CAST: variants seen among roughly 807,000 people sequenced by gnomAD.
CAST encodes the protein calpastatin.
CAST carries 76 observed loss-of-function variants against 119.6 expected under a neutral mutation model. That is an observed-to-expected ratio of 0.64 (90% confidence interval 0.53 to 0.77). CAST has a LOEUF of 0.77. CAST is among the 30% of genes least tolerant of loss of function. The pLI, the probability that CAST is intolerant of heterozygous loss-of-function variation, is 0.00. For missense variants in CAST, 953 were observed against 946.5 expected (o/e 1.01, Z -0.09); for synonymous variants, 319 against 331.6 (o/e 0.96, Z 0.41).
At chr5:96,097,810 A>G in the CAST span, among the ~76,000 whole-genome samples, 4 of 152,186 alleles carry the variant, frequency 2.6e-5, no homozygotes, top group African/African-American at 9.7e-5. Flanking sequence ...ATGCATCTTT[A>G]TAATAGAATG....
At chr5:96,733,375 T>A (rs1760973905) in intron 9 of CAST, among the ~76,000 whole-genome samples, 1 of 152,200 alleles carries the variant, frequency 6.6e-6, no homozygotes, top group Admixed American at 6.5e-5. Context: ...AATGGATAGA[T>A]TTAAGGCAGA....
At chr5:96,379,046 T>G in the CAST span, among the ~76,000 whole-genome samples, 472 of 152,308 alleles carry the variant, frequency 3.1e-3, 3 homozygotes, top group African/African-American at 0.011. Flanking sequence ...ATTCTGCAAT[T>G]AGTTATACTC....
chr5:96,398,462 T>G, the CAST span, among the ~76,000 whole-genome samples: 15 of 152,228 alleles, frequency 9.9e-5, no homozygotes, highest in Admixed American at 4.6e-4. Flanking sequence ...GTTAATCTTC[T>G]CAATCTCCTC....
intron 1 of CAST, among the ~76,000 whole-genome samples, chr5:96,582,252 T>A (rs977537507): frequency 2.6e-5 from 4 of 152,188 alleles, no homozygotes; most frequent in South Asian, 2.1e-4. Flanking sequence ...ATTTTAGAAT[T>A]GAGGTTTTGG....
At chr5:96,605,965 A>C (rs2150195093) in intron 1 of CAST, among the ~76,000 whole-genome samples, 1 of 152,336 alleles carries the variant, frequency 6.6e-6, no homozygotes, top group Non-Finnish European at 1.5e-5. Context: ...TAGAAGTCTC[A>C]GACAAAGCTG....
chr5:96,042,038 G>A, the CAST span, among the ~76,000 whole-genome samples: 1 of 152,126 alleles, frequency 6.6e-6, no homozygotes, highest in South Asian at 2.1e-4. Flanking sequence ...AGTCCTTCTG[G>A]CCTTGAACTT....
the CAST span, among the ~76,000 whole-genome samples, chr5:96,431,587 G>A: frequency 6.6e-6 from 1 of 152,146 alleles, no homozygotes; most frequent in African/African-American, 2.4e-5. Flanking sequence ...GGCAAGGGCT[G>A]GCCAAAAGCA....
the CAST span, among the ~76,000 whole-genome samples, chr5:96,227,567 C>T: frequency 6.6e-6 from 1 of 152,048 alleles, no homozygotes; most frequent in Non-Finnish European, 1.5e-5. Context: ...AATTCAGAAT[C>T]CTGGATGGAG....
chr5:96,088,287 C>T, the CAST span, among the ~76,000 whole-genome samples: 1 of 152,222 alleles, frequency 6.6e-6, no homozygotes, highest in African/African-American at 2.4e-5. Flanking sequence ...CAAATTACCC[C>T]TCATGTCAGT....
At chr5:96,658,229 C>T (rs918200480), upstream of CAST, among the ~76,000 whole-genome samples, 18 of 152,044 alleles carry the variant, frequency 1.2e-4, no homozygotes, top group Admixed American at 1.3e-4. Flanking sequence ...CATTACCATG[C>T]ACACATCATC....
chr5:96,556,831 A>G (rs9763855), intron 1 of CAST, among the ~76,000 whole-genome samples: 77,780 of 151,374 alleles, frequency 0.51, 20,140 homozygotes, highest in Admixed American at 0.55. Flanking sequence ...AAGGCAGGCC[A>G]ACATTCAAAT....
chr5:96,290,206 G>A, the CAST span, among the ~76,000 whole-genome samples: 2 of 152,038 alleles, frequency 1.3e-5, no homozygotes. Flanking sequence ...TCTTTCCACG[G>A]TTATATAAAG....
the CAST span, among the ~76,000 whole-genome samples, chr5:96,140,650 A>T: frequency 1.1e-4 from 17 of 152,224 alleles, no homozygotes; most frequent in African/African-American, 4.1e-4. Context: ...AATGGAGATA[A>T]TGATAATCTC....
chr5:96,093,355 A>AG, the CAST span, among the ~76,000 whole-genome samples: 1 of 152,230 alleles, frequency 6.6e-6, no homozygotes, highest in African/African-American at 2.4e-5. Flanking sequence ...GGTTAAATCT[A>AG]GGTCCTGAAG....
the CAST span, among the ~76,000 whole-genome samples, chr5:95,974,826 A>T: frequency 6.6e-6 from 1 of 152,368 alleles, no homozygotes; most frequent in African/African-American, 2.4e-5. Context: ...ATAATGAAAG[A>T]ACAATATAAG....
At chr5:96,486,764 G>A in the CAST span, among the ~76,000 whole-genome samples, 2 of 152,124 alleles carry the variant, frequency 1.3e-5, no homozygotes, top group Admixed American at 6.6e-5. Context: ...TGATAACACA[G>A]GCCCTTAGAG....
the CAST span, among the ~76,000 whole-genome samples, chr5:96,220,561 T>G: frequency 6.6e-6 from 1 of 152,222 alleles, no homozygotes; most frequent in Non-Finnish European, 1.5e-5. Flanking sequence ...AAATTATACT[T>G]GGTTAGTGAC....
At chr5:96,642,330 G>C (rs1236084981) in intron 1 of CAST, among the ~76,000 whole-genome samples, 1 of 152,090 alleles carries the variant, frequency 6.6e-6, no homozygotes, top group East Asian at 1.9e-4. Context: ...TTGTTAAATG[G>C]ATAAGGACAC....
chr5:96,357,604 T>A, the CAST span, among the ~76,000 whole-genome samples: 201 of 152,302 alleles, frequency 1.3e-3, 1 homozygote, highest in African/African-American at 4.5e-3. Context: ...GGTTTTTGTC[T>A]TTGGTTCTGT....
Sources: allele counts gnomAD v4.1 joint callset (sites outside exome capture counted in the v4.1 genomes callset), GRCh38; gene constraint gnomAD v4.1.1; transcripts MANE v1.5; gene names NCBI Gene and HGNC (gene_info 2026-07-23, HGNC 2026-07-21).